The following DCC variants were observed in gnomAD, a reference collection of about 807,000 sequenced individuals.
DCC encodes DCC netrin 1 receptor, also known as netrin receptor DCC.
Under a neutral mutation model 172.5 loss-of-function variants are expected in DCC, and 58 were observed. That is an observed-to-expected ratio of 0.34 (90% CI 0.27 to 0.42). The LOEUF (loss-of-function observed/expected upper bound fraction) is 0.42, where lower values mean the gene tolerates loss of function less well. Ranked by LOEUF, DCC falls within the 10% of genes least tolerant of loss-of-function variation. The probability of loss-of-function intolerance (pLI) is 1.00; values close to 1 mark genes in which losing one functional copy is unlikely to be tolerated. For synonymous variants in DCC, 709 were observed against 644.5 expected (o/e 1.10, Z -1.52); for missense variants, 1,740 against 1,791.0 (o/e 0.97, Z 0.51).
intron 1 of DCC, among the ~76,000 whole-genome samples, chr18:52,708,622 T>C (rs2036248430): frequency 6.6e-6 from 1 of 152,060 alleles, no homozygotes; most frequent in Non-Finnish European, 1.5e-5. Context: ...GTAGCAGTGG[T>C]GCACCTGTCC....
intron 7 of DCC, among the ~76,000 whole-genome samples, chr18:53,104,109 C>T (rs1021481923): frequency 6.6e-6 from 1 of 152,058 alleles, no homozygotes; most frequent in Non-Finnish European, 1.5e-5. Flanking sequence ...TTTCCTCTTG[C>T]TGCAGGCTTC....
chr18:52,965,358 G>A (rs912692730), intron 5 of DCC, among the ~76,000 whole-genome samples: 1 of 151,886 alleles, frequency 6.6e-6, no homozygotes, highest in African/African-American at 2.4e-5. Flanking sequence ...TTTCTTAAAA[G>A]GAAAACTACC....
intron 2 of DCC, among the ~76,000 whole-genome samples, chr18:52,856,524 G>C (rs1319718538): frequency 2.0e-5 from 3 of 150,954 alleles, no homozygotes; most frequent in Admixed American, 6.6e-5. Flanking sequence ...TACTCCGGAA[G>C]CTGAGGCTGG....
chr18:52,873,186 C>T (rs1221285104), intron 2 of DCC, among the ~76,000 whole-genome samples: 5 of 149,380 alleles, frequency 3.3e-5, no homozygotes, highest in Non-Finnish European at 7.4e-5. Context: ...ACAAGTCTCT[C>T]AGTGTTTATG....
chr18:52,374,026 G>A (rs1458806869), intron 1 of DCC, among the ~76,000 whole-genome samples: 1 of 151,484 alleles, frequency 6.6e-6, no homozygotes, highest in South Asian at 2.1e-4. Flanking sequence ...GGAGTAGCTG[G>A]GACTACAGGC....
At chr18:53,442,511 C>G (rs1024982725) in intron 22 of DCC, among the ~76,000 whole-genome samples, 3 of 152,178 alleles carry the variant, frequency 2.0e-5, no homozygotes, top group African/African-American at 7.2e-5. Flanking sequence ...CTCTCTCCCC[C>G]TTTTGGGGCT....
At position 53,098,858 on chromosome 18, in the gene DCC, A is replaced by G. The variant is rs1423896616; in HGVS notation, c.1261+32692A>G. Among the ~76,000 whole-genome samples, 8 of 152,134 alleles carry G rather than the reference A, an allele frequency of 5.3e-5. No homozygotes were observed. The East Asian group carries it at 1.5e-3, about 29-fold the overall frequency. ...CCCCATCCCTACAAAACGTTTTTAAAAATAAGCCCAGCTGTGGTGGTATGT... is the reference window on the plus strand; with the variant it reads ...CCCCATCCCTACAAAACGTTTTTAAGAATAAGCCCAGCTGTGGTGGTATGT... On this transcript the variant is annotated intron_variant, in intron 7 of 28. Transcript: ENST00000442544.
intron 2 of DCC, among the ~76,000 whole-genome samples, chr18:52,753,545 A>G (rs2037032264): frequency 6.6e-6 from 1 of 152,200 alleles, no homozygotes; most frequent in African/African-American, 2.4e-5. Context: ...GGGCCTTAAG[A>G]AGAGTAAATT....
At chr18:52,692,939 G>A (rs918290561) in intron 1 of DCC, among the ~76,000 whole-genome samples, 1 of 152,116 alleles carries the variant, frequency 6.6e-6, no homozygotes. Flanking sequence ...AGAAAGAAAT[G>A]TACCCTTTAA....
At chr18:53,240,573 T>C (rs1222460026) in intron 12 of DCC, among the ~76,000 whole-genome samples, 1 of 152,186 alleles carries the variant, frequency 6.6e-6, no homozygotes, top group Non-Finnish European at 1.5e-5. Flanking sequence ...GACTCAATAT[T>C]AAGTCCCTCT....
intron 1 of DCC, among the ~76,000 whole-genome samples, chr18:52,511,280 CAAA>C (rs5824941): frequency 1.2e-4 from 13 of 110,080 alleles, no homozygotes; most frequent in Admixed American, 2.0e-4. Flanking sequence ...GACTCTGTCT[CAAA>C]AAAAAAAAAA....
At chr18:53,365,761 C>T (rs759348772) in intron 15 of DCC, among the ~76,000 whole-genome samples, 40 of 152,152 alleles carry the variant, frequency 2.6e-4, no homozygotes, top group Non-Finnish European at 5.3e-4. Context: ...CTACATACTT[C>T]TGTGACATCA....
At chr18:52,953,689 C>A (rs1235335698) in intron 5 of DCC, among the ~76,000 whole-genome samples, 1 of 152,182 alleles carries the variant, frequency 6.6e-6, no homozygotes, top group African/African-American at 2.4e-5. Context: ...ATTTACCACA[C>A]AAATTTGTCA....
intron 24 of DCC, among the ~76,000 whole-genome samples, chr18:53,466,951 T>G (rs2045629063): frequency 6.6e-6 from 1 of 152,210 alleles, no homozygotes; most frequent in South Asian, 2.1e-4. Context: ...ATTTTTTATT[T>G]TAAATTGTAG....
At chr18:52,450,494 C>T (rs546265514) in intron 1 of DCC, among the ~76,000 whole-genome samples, 1 of 152,280 alleles carries the variant, frequency 6.6e-6, no homozygotes, top group East Asian at 1.9e-4. Flanking sequence ...TTTTTATTCT[C>T]AAAATTGTCC....
At chr18:53,041,605 A>G (rs1468749333) in intron 5 of DCC, among the ~76,000 whole-genome samples, 1 of 152,058 alleles carries the variant, frequency 6.6e-6, no homozygotes. Flanking sequence ...TACTTTGGGC[A>G]GTATGGCCAT....
intron 5 of DCC, among the ~76,000 whole-genome samples, chr18:52,962,027 C>A (rs1347501579): frequency 6.6e-6 from 1 of 152,134 alleles, no homozygotes; most frequent in Non-Finnish European, 1.5e-5. Flanking sequence ...CTAGGCAATA[C>A]CATTCAGGAC....
intron 5 of DCC, among the ~76,000 whole-genome samples, chr18:52,935,068 A>C (rs1240395303): frequency 6.6e-6 from 1 of 152,178 alleles, no homozygotes; most frequent in African/African-American, 2.4e-5. Context: ...ACTGCTAAAA[A>C]GATTCTTTGG....
At chr18:53,163,025 C>A (rs1282537640) in intron 8 of DCC, among the ~76,000 whole-genome samples, 1 of 152,348 alleles carries the variant, frequency 6.6e-6, no homozygotes, top group East Asian at 1.9e-4. Context: ...ACTCAGAATT[C>A]ATCAATTTCA....
Sources: gnomAD v4.1 joint callset for allele counts (sites outside exome capture counted in the v4.1 genomes callset) on GRCh38, gnomAD v4.1.1 for gene constraint, MANE v1.5 for transcripts, NCBI Gene and HGNC (gene_info 2026-07-23, HGNC 2026-07-21) for gene names.